The following DTL variants were observed in gnomAD, a reference collection of about 807,000 sequenced individuals.
DTL encodes denticleless protein homolog.
In DTL, 46 loss-of-function variants were observed where a neutral mutation model predicts 87.0. The observed-to-expected ratio is 0.53, with a 90% CI of 0.42 to 0.68. The LOEUF is 0.68. Ranked by LOEUF, DTL falls within the 30% of genes least tolerant of loss-of-function variation. The probability of loss-of-function intolerance (pLI) is 0.00; values close to 1 mark genes in which losing one functional copy is unlikely to be tolerated. For missense variants in DTL, 737 were observed against 869.4 expected (o/e 0.85, Z 1.91); for synonymous variants, 308 against 311.2 (o/e 0.99, Z 0.11).
At chr1:212,036,409 A>G (rs1048019936) in intron 1 of DTL, among the ~76,000 whole-genome samples, 5 of 152,202 alleles carry the variant, frequency 3.3e-5, no homozygotes, top group African/African-American at 1.2e-4. Context: ...CAGAGAAGAC[A>G]GGATATCTGC....
chr1:212,041,032 A>G (rs1667624270), intron 1 of DTL, among the ~76,000 whole-genome samples: 1 of 152,342 alleles, frequency 6.6e-6, no homozygotes, highest in Non-Finnish European at 1.5e-5. Flanking sequence ...TACTACTTGG[A>G]ATATGTGCAT....
intron 11 of DTL, 148 bp from the exon 12 acceptor site, chr1:212,078,025 G>GT (rs5780675): frequency 2.2e-4 from 87 of 395,468 alleles, no homozygotes; most frequent in South Asian, 8.2e-4. Context: ...GAAATCTGTT[G>GT]TTTTTTTTTT....
In DTL at chr1:212,100,498, A is replaced by T. The variant is rs1350565104; in HGVS notation, c.1508A>T (p.Asn503Ile). ...TCATCTTTCAAGATGTCGATTAGAA[A>T]CTGGGTGACCCGAACACCTTCCTCA... ...PPSSFKMSIR[N>I]WVTRTPSSSP... The change falls in exon 14 of 15, where the codon AAC (asparagine) becomes ATC (isoleucine). Residue 503 changes from asparagine (N) to isoleucine (I), a missense_variant. Transcript: ENST00000366991. 3 of 1,613,894 alleles carry T rather than the reference A, an allele frequency of 1.9e-6. No homozygotes were observed. In the South Asian group the frequency reaches 3.3e-5, roughly 18 times the overall value.
chr1:212,049,539 G>A (rs951083569), intron 5 of DTL, among the ~76,000 whole-genome samples: 4 of 152,164 alleles, frequency 2.6e-5, no homozygotes, highest in Admixed American at 2.6e-4. Flanking sequence ...AGAAGAAAAG[G>A]CACTGAGTTA....
At chr1:212,086,450 C>T (rs537564431) in intron 13 of DTL, among the ~76,000 whole-genome samples, 3 of 152,112 alleles carry the variant, frequency 2.0e-5, no homozygotes, top group Non-Finnish European at 4.4e-5. Flanking sequence ...TTCTTTTTAA[C>T]AGAACCATAG....
chr1:212,068,777 G>T, intron 10 of DTL, 74 bp downstream of exon 10: 1 of 933,802 alleles, frequency 1.1e-6, no homozygotes. Context: ...TAATTTAATG[G>T]GCTTTCTTCT....
chr1:212,076,761 A>G (rs1305723632), intron 11 of DTL, among the ~76,000 whole-genome samples: 1 of 152,206 alleles, frequency 6.6e-6, no homozygotes, highest in Admixed American at 6.5e-5. Flanking sequence ...CTACTGGGAT[A>G]GTTAGAGACG....
chr1:212,059,190 T>G (rs1668263395), intron 5 of DTL, among the ~76,000 whole-genome samples: 1 of 152,096 alleles, frequency 6.6e-6, no homozygotes, highest in African/African-American at 2.4e-5. Flanking sequence ...AGCATTATTC[T>G]GATACCAAAA....
chr1:212,098,411 T>C (rs1655511610), intron 13 of DTL, among the ~76,000 whole-genome samples: 1 of 152,084 alleles, frequency 6.6e-6, no homozygotes, highest in South Asian at 2.1e-4. Flanking sequence ...TAGCGGGGGA[T>C]ATAAGCTTGC....
At chr1:212,091,383 C>T (rs1295736150) in intron 13 of DTL, among the ~76,000 whole-genome samples, 2 of 152,154 alleles carry the variant, frequency 1.3e-5, no homozygotes, top group African/African-American at 4.8e-5. Context: ...TTAAGGAAAA[C>T]AGAATGGCAG....
At chr1:212,081,105 A>G (rs573209725) in intron 13 of DTL, among the ~76,000 whole-genome samples, 1 of 152,322 alleles carries the variant, frequency 6.6e-6, no homozygotes, top group Non-Finnish European at 1.5e-5. Flanking sequence ...AAAAAGTAAA[A>G]TATATACTGT....
chr1:212,035,796 G>A lies in DTL; in HGVS notation c.-95G>A, dbSNP rs1667424349. 15 of 1,238,872 alleles carry A rather than the reference G, an allele frequency of 1.2e-5. No homozygotes were observed. Among genetic ancestry groups the A allele is most frequent in the Non-Finnish European group, 1.6e-5 (14 of 861,242 alleles). 76.7% of individuals were successfully genotyped at this position (1,238,872 alleles called of 1,614,324 possible). On this transcript the variant is annotated 5_prime_UTR_variant, in exon 1 of 15. Transcript: ENST00000366991. ...AGTGGCGGGAGTTGGAGGCGATAAC[G>A]ATTTGTGTTGTGAGAGGCGCAAGCT... is the stretch of plus-strand genomic sequence containing the variant.
intron 13 of DTL, among the ~76,000 whole-genome samples, chr1:212,081,189 A>G (rs1383241868): frequency 6.6e-6 from 1 of 152,224 alleles, no homozygotes; most frequent in African/African-American, 2.4e-5. Context: ...TATGCTATCA[A>G]AATTTTATAT....
rs186708058 is a variant in DTL at position 212,091,840 on chromosome 1, G to T, written c.1262-8412G>T. 1.9e-3 allele frequency among the ~76,000 whole-genome samples: 286 copies of T among 152,202 alleles called. 1 individual carries two copies. Among genetic ancestry groups the T allele is most frequent in the Admixed American group, 3.5e-3 (54 of 15,280 alleles). ...AAAATATATGAAGTGATGTTAGTTG[G>T]CTTGATTTAATCATTCTACAATGTA... On this transcript the variant is annotated intron_variant, in intron 13 of 14. Transcript: ENST00000366991.
intron 11 of DTL, among the ~76,000 whole-genome samples, chr1:212,075,490 T>C (rs1654800974): frequency 6.6e-6 from 1 of 152,144 alleles, no homozygotes; most frequent in South Asian, 2.1e-4. Flanking sequence ...GATAGTGTTC[T>C]TATAATAATG....
At chr1:212,087,322 G>T (rs532248139) in intron 13 of DTL, among the ~76,000 whole-genome samples, 1 of 152,156 alleles carries the variant, frequency 6.6e-6, no homozygotes, top group South Asian at 2.1e-4. Flanking sequence ...GGCCGAGTGG[G>T]TGGATCACGA....
chr1:212,071,859 T>C lies in DTL; in HGVS notation c.923-242T>C, dbSNP rs934773051. Among the ~76,000 whole-genome samples, 9 of 152,222 alleles carry C rather than the reference T, an allele frequency of 5.9e-5. No homozygotes were observed. The South Asian group carries it at 6.2e-4, about 11-fold the overall frequency. ...TCCCTCCAATTTTTTTCTCTTGATA[T>C]TGCCATTTTCGTACCAAGTACTCAG... On this transcript the variant is annotated intron_variant, in intron 10 of 14. Transcript: ENST00000366991.
chr1:212,071,977 G>T (rs1039073072), intron 10 of DTL, 124 bp from the exon 11 acceptor site: 3 of 671,170 alleles, frequency 4.5e-6, no homozygotes, highest in Non-Finnish European at 7.8e-6. Context: ...GATGGATAAA[G>T]CTAGATCATC....
chr1:212,040,964 G>T (rs1463842192), intron 1 of DTL, among the ~76,000 whole-genome samples: 2 of 152,244 alleles, frequency 1.3e-5, no homozygotes, highest in Non-Finnish European at 2.9e-5. Context: ...GAAACCACGG[G>T]TGAGGGGTAA....
Sources: gnomAD v4.1 joint callset for allele counts (sites outside exome capture counted in the v4.1 genomes callset) on GRCh38, gnomAD v4.1.1 for gene constraint, MANE v1.5 for transcripts, NCBI Gene and HGNC (gene_info 2026-07-23, HGNC 2026-07-21) for gene names.